The following DCPS variants were observed in gnomAD, a reference collection of about 807,000 sequenced individuals.
DCPS encodes the protein decapping enzyme, scavenger, also known as m7GpppX diphosphatase.
DCPS carries 27 observed loss-of-function variants against 34.7 expected under a neutral mutation model. The observed-to-expected ratio is 0.78, with a 90% CI of 0.57 to 1.07. The LOEUF (loss-of-function observed/expected upper bound fraction) is 1.07. DCPS is among the 50% of genes least tolerant of loss of function. DCPS has a pLI of 0.00. For missense variants in DCPS, 464 were observed against 436.9 expected (o/e 1.06, Z -0.55); for synonymous variants, 185 against 185.7 (o/e 1.00, Z 0.03).
rs985537199 is a variant in DCPS, at chr11:126,322,166, A to G, written c.377-9239A>G. Among the ~76,000 whole-genome samples, 2 of 152,246 alleles carry G rather than the reference A, an allele frequency of 1.3e-5. No homozygotes were observed. The highest frequency in any genetic ancestry group is 4.8e-5 in the African/African-American group (2 of 41,468). Reference sequence around the variant, plus strand: ...AACCACTTTGAGATCCAACCACACCATCAGGGCATTGGAGACAGAAGAAAA... The same window carrying G: ...AACCACTTTGAGATCCAACCACACCGTCAGGGCATTGGAGACAGAAGAAAA... On this transcript the variant is annotated intron_variant, in intron 2 of 5. Transcript: ENST00000263579. The surrounding 1 kb of genome is among the most constrained non-coding windows in gnomAD (Gnocchi z 4.2).
At chr11:126,311,508 G>A (rs1159590597) in intron 2 of DCPS, among the ~76,000 whole-genome samples, 3 of 152,220 alleles carry the variant, frequency 2.0e-5, no homozygotes, top group South Asian at 2.1e-4. Context: ...CCATGAGCAG[G>A]AGAGAGCCTA....
intron 5 of DCPS, among the ~76,000 whole-genome samples, chr11:126,343,707 A>G (rs1044984519): frequency 6.6e-5 from 10 of 151,260 alleles, no homozygotes; most frequent in Non-Finnish European, 3.0e-5. Context: ...GGCCCCTCCT[A>G]CTCCAGGATC....
At chr11:126,326,890 T>A (rs112806439) in intron 2 of DCPS, among the ~76,000 whole-genome samples, 3 of 150,472 alleles carry the variant, frequency 2.0e-5, no homozygotes, top group Admixed American at 6.6e-5. Flanking sequence ...GCCACTGCAC[T>A]CCAGCCTGGG....
At chr11:126,310,596 TGAA>T (rs1951611977) in intron 2 of DCPS, among the ~76,000 whole-genome samples, 1 of 152,224 alleles carries the variant, frequency 6.6e-6, no homozygotes, top group African/African-American at 2.4e-5. Flanking sequence ...TTTCAATAAG[TGAA>T]GAATGAACCC....
chr11:126,322,005 G>T lies in DCPS; in HGVS notation c.377-9400G>T, dbSNP rs965066412. Among the ~76,000 whole-genome samples the T allele has an allele frequency of 6.6e-6, 1 of 152,128 alleles. No homozygotes were observed. The highest frequency in any genetic ancestry group is 6.5e-5 in the Admixed American group (1 of 15,270). On this transcript the variant is annotated intron_variant, in intron 2 of 5. Transcript: ENST00000263579. The surrounding 1 kb of genome is among the most constrained non-coding windows in gnomAD (Gnocchi z 4.2). ...GAAGTTAAATATCCAAATGGGTGTTGCAGAAAGAAAAGGCAGAGAAAATGA... is the reference window on the plus strand; with the variant it reads ...GAAGTTAAATATCCAAATGGGTGTTTCAGAAAGAAAAGGCAGAGAAAATGA...
At chr11:126,314,516 T>G (rs1277909370) in intron 2 of DCPS, among the ~76,000 whole-genome samples, 1 of 152,134 alleles carries the variant, frequency 6.6e-6, no homozygotes, top group Admixed American at 6.5e-5. Context: ...AATAAGTCAT[T>G]ATATGAAAAA....
intron 2 of DCPS, among the ~76,000 whole-genome samples, chr11:126,307,494 T>C (rs1951581306): frequency 6.6e-6 from 1 of 152,012 alleles, no homozygotes; most frequent in Non-Finnish European, 1.5e-5. Context: ...CGCTGCAACC[T>C]CCGCCTCACA....
rs991731184 is a variant in DCPS at position 126,323,933 on chromosome 11, C to T, written c.377-7472C>T. Among the ~76,000 whole-genome samples, 13 of 152,056 alleles carry T rather than the reference C, an allele frequency of 8.5e-5. No individual in the cohort carries two copies. The highest frequency in any genetic ancestry group is 5.9e-4 in the Admixed American group (9 of 15,266). Reference sequence around the variant, plus strand: ...GCAACCTCTACCTCCCAGGTTCAAGCGATTCTTCCGCCTCAGCCTCCCGAG... The same window carrying T: ...GCAACCTCTACCTCCCAGGTTCAAGTGATTCTTCCGCCTCAGCCTCCCGAG... On this transcript the variant is annotated intron_variant, in intron 2 of 5. Transcript: ENST00000263579. The surrounding 1 kb of genome is among the most constrained non-coding windows in gnomAD (Gnocchi z 4.4).
At chr11:126,309,024 C>CCTTTTTTTTTTTTT (rs1457988895) in intron 2 of DCPS, among the ~76,000 whole-genome samples, 2 of 138,404 alleles carry the variant, frequency 1.4e-5, no homozygotes, top group Non-Finnish European at 3.1e-5. Flanking sequence ...TTTCCTGCCC[C>CCTTTTTTTTTTTTT]TTTTTTTTTT....
intron 2 of DCPS, among the ~76,000 whole-genome samples, chr11:126,316,038 G>A (rs1452378447): frequency 6.6e-6 from 1 of 150,386 alleles, no homozygotes; most frequent in Non-Finnish European, 1.5e-5. Context: ...TGTCCAGGTC[G>A]AGTGGATTCT....
rs1195925851 is a variant in DCPS, at chr11:126,335,606, C to T, written c.523-2680C>T. On this transcript the variant is annotated intron_variant, in intron 3 of 5. Coordinates refer to ENST00000263579, the MANE Select transcript of DCPS (RefSeq NM_014026.6). The surrounding 1 kb of genome is among the most constrained non-coding windows in gnomAD (Gnocchi z 4.8). ...GAATTGGCTGACCCAGCGTGAACTT[C>T]CTTGCACTTGCATTCTTCTTAACTG... Among the ~76,000 whole-genome samples, 1 of 152,196 alleles carries T rather than the reference C, an allele frequency of 6.6e-6. No individual in the cohort carries two copies. The highest frequency in any genetic ancestry group is 1.5e-5 in the Non-Finnish European group (1 of 68,040).
In DCPS at chr11:126,332,841, C is replaced by T. The variant is rs572547106; in HGVS notation, c.522+1291C>T. ...GTTCTGTTTTCCAAGTGAAAAGGAACTATATCTCCACCTTCTTAGAGTTTC... is the reference window on the plus strand; with the variant it reads ...GTTCTGTTTTCCAAGTGAAAAGGAATTATATCTCCACCTTCTTAGAGTTTC... On this transcript the variant is annotated intron_variant, in intron 3 of 5. Coordinates refer to ENST00000263579, the MANE Select transcript of DCPS (RefSeq NM_014026.6). The surrounding 1 kb of genome is among the most constrained non-coding windows in gnomAD (Gnocchi z 5.4). 6.6e-6 allele frequency among the ~76,000 whole-genome samples: 1 copy of T among 152,268 alleles called. No individual in the cohort carries two copies. The highest frequency in any genetic ancestry group is 1.9e-4 in the East Asian group (1 of 5,184).
At chr11:126,339,926 C>T (rs1185110812) in intron 4 of DCPS, among the ~76,000 whole-genome samples, 1 of 152,198 alleles carries the variant, frequency 6.6e-6, no homozygotes, top group Non-Finnish European at 1.5e-5. Flanking sequence ...AGAATCCCAG[C>T]AGGGCCATAG....
At position 126,347,437 on chromosome 11, in the gene DCPS, T is replaced by C. The variant is rs969479828; in HGVS notation, c.*1824T>C. ...CGGGGTTTCACCATGTTGGCCAGGC[T>C]GGTCTCCAACTCCTGGCCTCAGGTG... is the stretch of plus-strand genomic sequence containing the variant. On this transcript the variant is annotated 3_prime_UTR_variant, in exon 6 of 6. Transcript: ENST00000263579. The surrounding 1 kb of genome is among the most constrained non-coding windows in gnomAD (Gnocchi z 4.2). Among the ~76,000 whole-genome samples the C allele has an allele frequency of 6.6e-6, 1 of 152,078 alleles. No homozygotes were observed. The highest frequency in any genetic ancestry group is 2.4e-5 in the African/African-American group (1 of 41,418).
Position 126,335,578 on chromosome 11 carries a change from T to C in DCPS, c.523-2708T>C, listed in dbSNP as rs1951827086. On this transcript the variant is annotated intron_variant, in intron 3 of 5. Transcript: ENST00000263579. This position sits in a 1 kb window ranked among gnomAD's most constrained non-coding sequence, Gnocchi z 4.8. ...AGGCTCAGGAGCCAGATACTCATGG[T>C]TGGAATTGGCTGACCCAGCGTGAAC... 6.6e-6 allele frequency among the ~76,000 whole-genome samples: 1 copy of C among 152,134 alleles called. No individual in the cohort carries two copies. Among genetic ancestry groups the C allele is most frequent in the Non-Finnish European group, 1.5e-5 (1 of 68,008 alleles).
chr11:126,323,416 T>G lies in DCPS; in HGVS notation c.377-7989T>G, dbSNP rs1951720991. Among the ~76,000 whole-genome samples the G allele has an allele frequency of 6.6e-6, 1 of 152,252 alleles. No homozygotes were observed. The highest frequency in any genetic ancestry group is 2.4e-5 in the African/African-American group (1 of 41,464). On this transcript the variant is annotated intron_variant, in intron 2 of 5. Transcript: ENST00000263579. The surrounding 1 kb of genome is among the most constrained non-coding windows in gnomAD (Gnocchi z 4.4). ...TTGTAATATTATATATGCAAGCTGA[T>G]GCATGTATTTTTCAAAGCAGGTGTA...
rs1951694291 is a variant in DCPS, at chr11:126,320,202, C to A, written c.377-11203C>A. On this transcript the variant is annotated intron_variant, in intron 2 of 5. Coordinates refer to ENST00000263579, the MANE Select transcript of DCPS (RefSeq NM_014026.6). The surrounding 1 kb of genome is among the most constrained non-coding windows in gnomAD (Gnocchi z 4.7). ...GTGCCTGGCCGTAATATATTCTGTT[C>A]TACAGACTGTACTGTGAGGTCTAAT... Among the ~76,000 whole-genome samples, 1 of 152,090 alleles carries A rather than the reference C, an allele frequency of 6.6e-6. No homozygotes were observed. The highest frequency in any genetic ancestry group is 1.5e-5 in the Non-Finnish European group (1 of 68,012).
intron 2 of DCPS, among the ~76,000 whole-genome samples, chr11:126,308,647 G>A (rs559928074): frequency 6.6e-6 from 1 of 152,294 alleles, no homozygotes; most frequent in Admixed American, 6.5e-5. Context: ...ACAACTTGGG[G>A]TGGCCCCCTG....
Position 126,313,839 on chromosome 11 carries a change from A to G in DCPS, c.376+7095A>G, listed in dbSNP as rs905419550. ...TTTTACTTAGGTTTTTAAGTGGTACATATTTTATATACATACACACCTGTG... is the reference window on the plus strand; with the variant it reads ...TTTTACTTAGGTTTTTAAGTGGTACGTATTTTATATACATACACACCTGTG... On this transcript the variant is annotated intron_variant, in intron 2 of 5. Coordinates refer to ENST00000263579, the MANE Select transcript of DCPS (RefSeq NM_014026.6). The surrounding 1 kb of genome is among the most constrained non-coding windows in gnomAD (Gnocchi z 4.9). Among the ~76,000 whole-genome samples the G allele has an allele frequency of 1.3e-5, 2 of 152,222 alleles. No homozygotes were observed. Among genetic ancestry groups the G allele is most frequent in the Non-Finnish European group, 2.9e-5 (2 of 68,040 alleles).
Sources: allele counts gnomAD v4.1 joint callset (sites outside exome capture counted in the v4.1 genomes callset), GRCh38; gene constraint gnomAD v4.1.1; non-coding constraint Gnocchi (gnomAD v3.1); transcripts MANE v1.5; gene names NCBI Gene and HGNC (gene_info 2026-07-23, HGNC 2026-07-21).